Variants in PKHD1 observed in about 807,000 individuals in gnomAD.
PKHD1 encodes PKHD1 ciliary IPT domain containing fibrocystin/polyductin, also known as fibrocystin.
Under a neutral mutation model 412.0 loss-of-function variants are expected in PKHD1, and 291 were observed. The observed-to-expected ratio is 0.71, with a 90% CI of 0.64 to 0.78. The LOEUF (loss-of-function observed/expected upper bound fraction) is 0.78. Ranked by LOEUF, PKHD1 falls within the 30% of genes least tolerant of loss-of-function variation. PKHD1 has a pLI of 0.00. For synonymous variants in PKHD1, 1,777 were observed against 1,821.5 expected (o/e 0.98, Z 0.62); for missense variants, 4,825 against 4,950.7 (o/e 0.97, Z 0.76).
chr6:52,040,992 G>A (rs968614161), intron 27 of PKHD1, among the ~76,000 whole-genome samples: 5 of 152,200 alleles, frequency 3.3e-5, no homozygotes, highest in Non-Finnish European at 7.3e-5. Flanking sequence ...AAAGGTTGAA[G>A]AGGTGATGAT....
At chr6:51,939,915 G>A (rs1274821491) in intron 36 of PKHD1, among the ~76,000 whole-genome samples, 1 of 151,478 alleles carries the variant, frequency 6.6e-6, no homozygotes. Context: ...CATCACACCA[G>A]GTCTGGCTTA....
intron 60 of PKHD1, among the ~76,000 whole-genome samples, chr6:51,709,886 A>C (rs1032772925): frequency 1.4e-5 from 2 of 147,788 alleles, no homozygotes; most frequent in Non-Finnish European, 3.0e-5. Context: ...CAAAACAGAT[A>C]TTCTAGCTAG....
intron 28 of PKHD1, among the ~76,000 whole-genome samples, chr6:52,035,276 C>G (rs969477029): frequency 1.3e-5 from 2 of 152,126 alleles, no homozygotes; most frequent in Admixed American, 6.5e-5. Flanking sequence ...AATATATAAG[C>G]CTTGCAAGCC....
intron 60 of PKHD1, among the ~76,000 whole-genome samples, chr6:51,737,026 T>G (rs777221613): frequency 6.6e-6 from 1 of 152,186 alleles, no homozygotes; most frequent in African/African-American, 2.4e-5. Flanking sequence ...TTTTCTTTTT[T>G]TTATCAACCT....
At chr6:52,001,531 G>A (rs1252025927) in intron 35 of PKHD1, among the ~76,000 whole-genome samples, 3 of 151,332 alleles carry the variant, frequency 2.0e-5, no homozygotes, top group Admixed American at 6.6e-5. Context: ...CCGGGTTCAC[G>A]TCATTCTCCT....
chr6:51,743,043 G>A (rs930356925), intron 60 of PKHD1, among the ~76,000 whole-genome samples: 2 of 152,126 alleles, frequency 1.3e-5, no homozygotes, highest in South Asian at 2.1e-4. Flanking sequence ...AGTAAAAGGC[G>A]TGTCACAAGA....
At chr6:51,886,989 A>G in intron 44 of PKHD1, 144 bp downstream of exon 44, 5 of 695,772 alleles carry the variant, frequency 7.2e-6, no homozygotes, top group South Asian at 3.1e-5. Context: ...TGTCAATTAT[A>G]CCTCAAAAAA....
At chr6:51,847,729 T>C (rs1771458201) in intron 50 of PKHD1, 46 bp downstream of exon 50, 2 of 1,337,908 alleles carry the variant, frequency 1.5e-6, no homozygotes, top group South Asian at 2.3e-5. Flanking sequence ...TGATTGGTGA[T>C]TTCTGACTAT....
At chr6:51,769,998 ATAT>A (rs554417362) in intron 55 of PKHD1, among the ~76,000 whole-genome samples, 104 of 147,860 alleles carry the variant, frequency 7.0e-4, no homozygotes, top group Non-Finnish European at 1.2e-3. Flanking sequence ...TTGTGATCAC[ATAT>A]TATTATTAAA....
chr6:51,997,043 G>C (rs1164941254), intron 35 of PKHD1, among the ~76,000 whole-genome samples: 1 of 152,242 alleles, frequency 6.6e-6, no homozygotes, highest in African/African-American at 2.4e-5. Flanking sequence ...ATTAACTCAA[G>C]TTGGATCAAT....
At chr6:52,070,201 C>T (rs1810394563) in intron 10 of PKHD1, among the ~76,000 whole-genome samples, 1 of 152,144 alleles carries the variant, frequency 6.6e-6, no homozygotes, top group Non-Finnish European at 1.5e-5. Flanking sequence ...TTGAAACACA[C>T]ATTGCCTACA....
intron 53 of PKHD1, among the ~76,000 whole-genome samples, chr6:51,786,205 G>A (rs574793037): frequency 3.6e-4 from 55 of 152,066 alleles, no homozygotes; most frequent in Admixed American, 2.5e-3. Context: ...CTCCCAACCC[G>A]AAACCCTGGA....
chr6:51,766,675 T>C (rs1304657441), intron 55 of PKHD1, among the ~76,000 whole-genome samples: 3 of 151,742 alleles, frequency 2.0e-5, no homozygotes, highest in Non-Finnish European at 2.9e-5. Context: ...TACTATTGTA[T>C]GCTGCAAATA....
chr6:51,831,549 T>A (rs1215866557), intron 51 of PKHD1, among the ~76,000 whole-genome samples: 3 of 152,168 alleles, frequency 2.0e-5, no homozygotes, highest in African/African-American at 7.2e-5. Flanking sequence ...CTCTTTCTAT[T>A]CTCTGTTAAA....
In PKHD1 at chr6:51,833,562, T is replaced by C. The variant is rs59281173; in HGVS notation, c.8174-2573A>G. On this transcript the variant is annotated intron_variant, in intron 51 of 66. Coordinates refer to ENST00000371117, the MANE Select transcript of PKHD1 (RefSeq NM_138694.4). ...AGCAGTCAGAGATCTACTGGGAGAA[T>C]CAGAAGAGAGGAAGGTCTTGGAATC... Among the ~76,000 whole-genome samples the C allele has an allele frequency of 1.9e-4, 29 of 152,188 alleles. 1 individual carries two copies. In the East Asian group the frequency reaches 4.1e-3, roughly 21 times the overall value.
rs1582108352 is a variant in PKHD1 at position 52,073,461 on chromosome 6, A to C, written c.527+2T>G. ...TAAACACAAAAACAAACACACACTTACCTATCAATGTACTCAGCATCAAAA... is the reference window on the plus strand; with the variant it reads ...TAAACACAAAAACAAACACACACTTCCCTATCAATGTACTCAGCATCAAAA... On this transcript the variant is annotated splice_donor_variant, in intron 7 of 66. Transcript: ENST00000371117. LOFTEE classifies it high-confidence loss of function. The C allele has an allele frequency of 6.3e-7, 1 of 1,580,506 alleles. No homozygotes were observed. Among genetic ancestry groups the C allele is most frequent in the Non-Finnish European group, 8.7e-7 (1 of 1,149,584 alleles).
At chr6:52,028,408 C>G in intron 29 of PKHD1, 57 bp from the exon 30 acceptor site, 2 of 1,483,988 alleles carry the variant, frequency 1.3e-6, no homozygotes, top group Non-Finnish European at 1.9e-6. Context: ...GCTCAACCAT[C>G]TATTCAATTC....
At chr6:51,950,220 A>AAAAAAAATATATATAT in intron 36 of PKHD1, among the ~76,000 whole-genome samples, 68 of 98,284 alleles carry the variant, frequency 6.9e-4, no homozygotes, top group East Asian at 4.3e-3. Context: ...GAAAAAAAAA[A>AAAAAAAATATATATAT]ATATATATAT....
In PKHD1 at chr6:51,858,606, GATTT is replaced by G. The variant is rs569977655; in HGVS notation, c.7734-2540_7734-2537del. Among the ~76,000 whole-genome samples, 38 of 150,156 alleles carry G rather than the reference GATTT, an allele frequency of 2.5e-4. No individual in the cohort carries two copies. In the East Asian group the frequency reaches 6.2e-3, roughly 24 times the overall value. ...GTTTTTACTGAGACATATGGGCTTG[GATTT>G]ATTTAAATAAATCTTGTGATTTATT... On this transcript the variant is annotated intron_variant, in intron 48 of 66. Transcript: ENST00000371117.
Sources: gnomAD v4.1 joint callset for allele counts (sites outside exome capture counted in the v4.1 genomes callset) on GRCh38, gnomAD v4.1.1 for gene constraint, MANE v1.5 for transcripts, NCBI Gene and HGNC (gene_info 2026-07-23, HGNC 2026-07-21) for gene names.